Variants in FRYL observed in about 807,000 individuals in gnomAD.
The protein encoded by FRYL is FRY like transcription coactivator.
In FRYL, 150 loss-of-function variants were observed where a neutral mutation model predicts 351.2. The observed-to-expected ratio is 0.43, with a 90% CI of 0.37 to 0.49. FRYL has a LOEUF of 0.49. FRYL is among the 20% of genes least tolerant of loss of function. FRYL has a pLI of 0.00. For missense variants in FRYL, 3,036 were observed against 3,619.3 expected (o/e 0.84, Z 4.13); for synonymous variants, 1,153 against 1,257.1 (o/e 0.92, Z 1.75).
intron 27 of FRYL, among the ~76,000 whole-genome samples, chr4:48,570,206 A>G (rs1737991674): frequency 6.6e-6 from 1 of 152,202 alleles, no homozygotes; most frequent in Admixed American, 6.5e-5. Context: ...TAACACCATT[A>G]TCCTCCTAAG....
rs552433127 is a variant in FRYL at position 48,658,856 on chromosome 4, A to G, written c.-80-24366T>C. On this transcript the variant is annotated intron_variant, in intron 3 of 63. Coordinates refer to ENST00000358350, the MANE Select transcript of FRYL (RefSeq NM_015030.2). ...CCACCACACATGAAATATAAACAAG[A>G]AAAAAAAAACATTTGTAACAATCAC... Among the ~76,000 whole-genome samples, 3 of 10,804 alleles carry G rather than the reference A, an allele frequency of 2.8e-4. No homozygotes were observed. In the East Asian group the frequency reaches 8.6e-3, roughly 31 times the overall value. 7.1% of individuals were successfully genotyped at this position (10,804 alleles called of 152,430 possible). A position where few individuals can be genotyped will look rare whatever the true frequency, so the allele number is the denominator to read the frequency against.
intron 21 of FRYL, 49 bp from the exon 22 acceptor site, chr4:48,581,000 A>C (rs781373114): frequency 1.6e-6 from 2 of 1,257,826 alleles, no homozygotes; most frequent in Non-Finnish European, 2.2e-6. Flanking sequence ...TGTTTAAGCA[A>C]AGTAGCCAAA....
intron 3 of FRYL, among the ~76,000 whole-genome samples, chr4:48,643,934 C>T (rs1399698345): frequency 1.3e-5 from 2 of 152,060 alleles, no homozygotes; most frequent in African/African-American, 2.4e-5. Context: ...TTAATTAGCA[C>T]AGCTCCAACT....
intron 25 of FRYL, among the ~76,000 whole-genome samples, chr4:48,573,474 C>T (rs1447688104): frequency 6.6e-6 from 1 of 152,146 alleles, no homozygotes; most frequent in Non-Finnish European, 1.5e-5. Flanking sequence ...AGAGGGAATA[C>T]TACCAATATT....
At chr4:48,668,749 C>A (rs1199965174) in intron 3 of FRYL, among the ~76,000 whole-genome samples, 1 of 152,174 alleles carries the variant, frequency 6.6e-6, no homozygotes, top group Non-Finnish European at 1.5e-5. Context: ...AACTTATTAA[C>A]CCCAACGATA....
intron 49 of FRYL, among the ~76,000 whole-genome samples, chr4:48,531,682 T>C (rs1727670045): frequency 2.0e-5 from 3 of 152,186 alleles, no homozygotes; most frequent in Admixed American, 1.3e-4. Flanking sequence ...AACATTTGTA[T>C]ATACGTCAGC....
At chr4:48,540,128 AAAGTT>A in intron 46 of FRYL, 60 bp from the exon 47 acceptor site, 3 of 1,367,624 alleles carry the variant, frequency 2.2e-6, no homozygotes. Flanking sequence ...TTTAAAAGTT[AAAGTT>A]ATTTTTTTAG....
intron 2 of FRYL, among the ~76,000 whole-genome samples, chr4:48,709,246 T>C (rs559697535): frequency 6.6e-6 from 1 of 152,080 alleles, no homozygotes; most frequent in South Asian, 2.1e-4. Context: ...TTATAAAGGG[T>C]CCCAGAATTA....
chr4:48,610,701 T>C (rs1394392812), intron 7 of FRYL, among the ~76,000 whole-genome samples: 3 of 145,392 alleles, frequency 2.1e-5, no homozygotes, highest in Non-Finnish European at 4.5e-5. Flanking sequence ...ACATATATTA[T>C]ATACATATAT....
At chr4:48,614,815 CTTTTTTTTTTTTTT>C (rs369399363) in intron 7 of FRYL, among the ~76,000 whole-genome samples, 3 of 67,962 alleles carry the variant, frequency 4.4e-5, no homozygotes, top group Admixed American at 2.5e-4. Context: ...AAGTTTAATG[CTTTTTTTTTTTTTT>C]TTTTTTTTTT....
Position 48,576,025 on chromosome 4 carries a change from C to T in FRYL, c.2721+5G>A. The T allele has an allele frequency of 1.3e-6, 2 of 1,567,658 alleles. No individual in the cohort carries two copies. Among genetic ancestry groups the T allele is most frequent in the Non-Finnish European group, 1.7e-6 (2 of 1,159,630 alleles). On this transcript the variant is annotated splice_donor_5th_base_variant and intron_variant, in intron 24 of 63. Coordinates refer to ENST00000358350, the MANE Select transcript of FRYL (RefSeq NM_015030.2). ...TATATCCAACAGTGGATCTGAGAAA[C>T]TTACTTTAGAATCAATGCTATAGCC...
chr4:48,509,910 T>C (rs1294690289), intron 59 of FRYL, 149 bp downstream of exon 59: 1 of 582,320 alleles, frequency 1.7e-6, no homozygotes, highest in Admixed American at 3.1e-5. Context: ...ATTTGCTGGA[T>C]AGAGAGCTCA....
chr4:48,524,415 T>C (rs564087759), intron 53 of FRYL, among the ~76,000 whole-genome samples: 1 of 152,272 alleles, frequency 6.6e-6, no homozygotes, highest in Middle Eastern at 3.4e-3. Flanking sequence ...AATATTATTA[T>C]GTACCAAAAC....
At chr4:48,711,533 G>C (rs181094987) in intron 1 of FRYL, among the ~76,000 whole-genome samples, 2,844 of 152,336 alleles carry the variant, frequency 0.019, 37 homozygotes, top group Non-Finnish European at 0.027. Flanking sequence ...CCATTGCCCA[G>C]GCTTGCTTAG....
chr4:48,714,606 G>A (rs1768519424), intron 1 of FRYL, among the ~76,000 whole-genome samples: 1 of 149,450 alleles, frequency 6.7e-6, no homozygotes, highest in South Asian at 2.1e-4. Context: ...CCAATAACAG[G>A]AGCTGAAATT....
chr4:48,544,102 T>C, intron 43 of FRYL, 105 bp from the exon 44 acceptor site: 3 of 887,362 alleles, frequency 3.4e-6, no homozygotes, highest in Non-Finnish European at 5.2e-6. Context: ...GCACACTTCC[T>C]GGCTCTCACA....
intron 53 of FRYL, among the ~76,000 whole-genome samples, chr4:48,526,035 T>C (rs1485854379): frequency 1.3e-5 from 2 of 152,086 alleles, no homozygotes; most frequent in Non-Finnish European, 2.9e-5. Context: ...TGTATATTAG[T>C]AGTACATGTA....
chr4:48,560,218 A>G (rs1219795094), intron 33 of FRYL, among the ~76,000 whole-genome samples: 14 of 152,198 alleles, frequency 9.2e-5, no homozygotes, highest in Admixed American at 9.2e-4. Context: ...CAAATTTTAA[A>G]GTGGCAAAGT....
chr4:48,663,747 C>T (rs1761235678), intron 3 of FRYL, among the ~76,000 whole-genome samples: 1 of 123,774 alleles, frequency 8.1e-6, no homozygotes, highest in Non-Finnish European at 1.6e-5. Flanking sequence ...TGCACTGCAG[C>T]CTGGGCGACA....
Sources: gnomAD v4.1 joint callset for allele counts (sites outside exome capture counted in the v4.1 genomes callset) on GRCh38, gnomAD v4.1.1 for gene constraint, MANE v1.5 for transcripts, NCBI Gene and HGNC (gene_info 2026-07-23, HGNC 2026-07-21) for gene names.